INSYN2B: variants seen among roughly 807,000 people sequenced by gnomAD.
INSYN2B encodes inhibitory synaptic factor family member 2B.
INSYN2B carries 16 observed loss-of-function variants against 41.2 expected under a neutral mutation model. That is an observed-to-expected ratio of 0.39 (90% CI 0.26 to 0.59). INSYN2B has a LOEUF of 0.59. Among genes scored for constraint, INSYN2B ranks in the 20% least tolerant of loss-of-function variants. The pLI, the probability that INSYN2B is intolerant of heterozygous loss-of-function variation, is 0.57. For synonymous variants in INSYN2B, 245 were observed against 244.4 expected (o/e 1.00, Z -0.02); for missense variants, 608 against 646.4 (o/e 0.94, Z 0.64).
In INSYN2B at chr5:169,883,745, C is replaced by A. The variant is rs755997480; in HGVS notation, c.154G>T (p.Ala52Ser). 1 of 1,551,620 alleles carries A rather than the reference C, an allele frequency of 6.4e-7. No individual in the cohort carries two copies. Among genetic ancestry groups the A allele is most frequent in the Non-Finnish European group, 8.7e-7 (1 of 1,146,946 alleles). The change falls in exon 2 of 4, where the codon GCT becomes TCT. Residue 52 changes from alanine (A) to serine (S), a missense_variant. Physicochemically the swap from Ala to Ser is moderately conservative, Grantham distance 99. Coordinates refer to ENST00000377365, the MANE Select transcript of INSYN2B (RefSeq NM_001129891.3). ...TCTGGAGTTTGGACGTCAACCTCAG[C>A]TAGGCCAGTTGGATTCTTAGTGGTC... The part of the protein sequence containing the change: ...DGTTKNPTGL[A>S]EVDVQTPEDP...
intron 2 of INSYN2B, among the ~76,000 whole-genome samples, chr5:169,882,080 A>T (rs1484571076): frequency 6.6e-6 from 1 of 152,196 alleles, no homozygotes; most frequent in Admixed American, 6.5e-5. Flanking sequence ...CCAGCCCGTC[A>T]TCAAAGTAGT....
At chr5:169,905,153 T>G (rs1039290659) in intron 1 of INSYN2B, among the ~76,000 whole-genome samples, 6 of 152,310 alleles carry the variant, frequency 3.9e-5, no homozygotes, top group South Asian at 2.1e-4. Flanking sequence ...CAAACTCACA[T>G]GGCTTCAGGG....
chr5:169,948,613 A>G (rs1220637026), intron 1 of INSYN2B, among the ~76,000 whole-genome samples: 1 of 135,946 alleles, frequency 7.4e-6, no homozygotes, highest in Non-Finnish European at 1.6e-5. Flanking sequence ...TCCACAATTA[A>G]TTTTTTTTTT....
At chr5:169,952,176 A>T (rs1776689043) in intron 1 of INSYN2B, among the ~76,000 whole-genome samples, 1 of 152,180 alleles carries the variant, frequency 6.6e-6, no homozygotes, top group Admixed American at 6.5e-5. Context: ...AAGACTAAAA[A>T]TCTCTCATCT....
chr5:169,896,926 C>G (rs549122189), intron 1 of INSYN2B, among the ~76,000 whole-genome samples: 30 of 152,264 alleles, frequency 2.0e-4, no homozygotes, highest in Non-Finnish European at 3.7e-4. Flanking sequence ...AACTGAGCAT[C>G]AACTTTGACG....
At chr5:169,926,405 A>C (rs1775458785) in intron 1 of INSYN2B, among the ~76,000 whole-genome samples, 2 of 152,208 alleles carry the variant, frequency 1.3e-5, no homozygotes, top group Non-Finnish European at 2.9e-5. Flanking sequence ...TGCTGGCATT[A>C]CTGTTAACAA....
intron 1 of INSYN2B, among the ~76,000 whole-genome samples, chr5:169,903,350 G>T (rs1774060967): frequency 6.6e-6 from 1 of 151,080 alleles, no homozygotes; most frequent in Non-Finnish European, 1.5e-5. Flanking sequence ...AAAGTTAAGA[G>T]CAGGGTGGTA....
chr5:169,935,665 C>A (rs573517852), intron 1 of INSYN2B, among the ~76,000 whole-genome samples: 1 of 152,162 alleles, frequency 6.6e-6, no homozygotes, highest in Non-Finnish European at 1.5e-5. Flanking sequence ...GTTGCCGATG[C>A]GGTGAAGTCA....
At chr5:169,893,134 G>A (rs961530755) in intron 1 of INSYN2B, among the ~76,000 whole-genome samples, 1 of 152,132 alleles carries the variant, frequency 6.6e-6, no homozygotes, top group Non-Finnish European at 1.5e-5. Context: ...CTATGTCAAG[G>A]GTGGGGAATC....
chr5:169,974,839 C>A (rs995650884), intron 1 of INSYN2B, among the ~76,000 whole-genome samples: 1 of 150,544 alleles, frequency 6.6e-6, no homozygotes, highest in African/African-American at 2.5e-5. Context: ...GACCCCCCTC[C>A]CCCCGACACA....
intron 1 of INSYN2B, among the ~76,000 whole-genome samples, chr5:169,897,580 G>T (rs1773686629): frequency 6.6e-6 from 1 of 152,196 alleles, no homozygotes; most frequent in Admixed American, 6.5e-5. Context: ...TGGGAAGTAG[G>T]GTTGCCCTGT....
chr5:169,898,907 A>C (rs888580240), intron 1 of INSYN2B, among the ~76,000 whole-genome samples: 1 of 152,358 alleles, frequency 6.6e-6, no homozygotes, highest in South Asian at 2.1e-4. Context: ...GAGCAACCAC[A>C]GAGACTAAAG....
chr5:169,891,848 C>A (rs1048733374), intron 1 of INSYN2B, among the ~76,000 whole-genome samples: 17 of 151,764 alleles, frequency 1.1e-4, no homozygotes, highest in East Asian at 1.9e-4. Flanking sequence ...CAAAAAAATT[C>A]TCTGAGTGTG....
At chr5:169,927,742 G>T (rs1445942896) in intron 1 of INSYN2B, among the ~76,000 whole-genome samples, 1 of 152,088 alleles carries the variant, frequency 6.6e-6, no homozygotes, top group Non-Finnish European at 1.5e-5. Context: ...TCAGCCTCCC[G>T]AGTAGCTGGG....
At chr5:169,932,329 A>G (rs1775794730) in intron 1 of INSYN2B, among the ~76,000 whole-genome samples, 1 of 152,170 alleles carries the variant, frequency 6.6e-6, no homozygotes, top group Non-Finnish European at 1.5e-5. Flanking sequence ...TCTAAGAGGT[A>G]GGAAGTGGTT....
rs1771205841 is a variant in INSYN2B, at chr5:169,861,652, CA to C, written c.*2620del. Among the ~76,000 whole-genome samples the C allele has an allele frequency of 6.6e-6, 1 of 152,176 alleles. No individual in the cohort carries two copies. Among genetic ancestry groups the C allele is most frequent in the African/African-American group, 2.4e-5 (1 of 41,452 alleles). The stretch of plus-strand genomic sequence containing the variant: ...TGTTACGTAATATTTTACAAAGAAG[CA>C]GTGATTTTCACATGAATAAGTGAGT... On this transcript the variant is annotated 3_prime_UTR_variant, in exon 4 of 4. Transcript: ENST00000377365.
At chr5:169,920,585 T>A (rs772899253) in intron 1 of INSYN2B, among the ~76,000 whole-genome samples, 10 of 152,138 alleles carry the variant, frequency 6.6e-5, no homozygotes, top group Non-Finnish European at 1.2e-4. Flanking sequence ...ACTGATGGGT[T>A]TGGAAAGAGG....
intron 1 of INSYN2B, among the ~76,000 whole-genome samples, chr5:169,964,330 C>A (rs1243375139): frequency 6.6e-6 from 1 of 152,186 alleles, no homozygotes; most frequent in Non-Finnish European, 1.5e-5. Context: ...CTCCCACCCC[C>A]AAGCTCAGAC....
At chr5:169,896,662 C>T (rs1773627796) in intron 1 of INSYN2B, among the ~76,000 whole-genome samples, 1 of 152,128 alleles carries the variant, frequency 6.6e-6, no homozygotes, top group African/African-American at 2.4e-5. Context: ...GCAGTATCAT[C>T]ATTATTATTA....
Sources: gnomAD v4.1 joint callset for allele counts (sites outside exome capture counted in the v4.1 genomes callset) on GRCh38, gnomAD v4.1.1 for gene constraint, MANE v1.5 for transcripts, NCBI Gene and HGNC (gene_info 2026-07-23, HGNC 2026-07-21) for gene names.